FRMPD4: variants seen among roughly 807,000 people sequenced by gnomAD.
FRMPD4 encodes the protein FERM and PDZ domain containing 4.
In FRMPD4, 22 loss-of-function variants were observed where a neutral mutation model predicts 94.1. That is an observed-to-expected ratio of 0.23 (90% CI 0.17 to 0.33). The LOEUF (loss-of-function observed/expected upper bound fraction) is 0.33. Among genes scored for constraint, FRMPD4 ranks in the 10% least tolerant of loss-of-function variants. The pLI is 1.00. For synonymous variants in FRMPD4, 631 were observed against 548.6 expected, an observed-to-expected ratio of 1.15 and a Z score of -2.10; for missense variants, 1,111 against 1,339.9, an observed-to-expected ratio of 0.83 and a Z score of 2.67.
chrX:12,311,731 A>T (rs982064849), intron 1 of FRMPD4, among the ~76,000 whole-genome samples: 29 of 111,580 alleles, frequency 2.6e-4, no homozygotes, highest in African/African-American at 9.4e-4. Flanking sequence ...GTATAATTCC[A>T]CTGTCTTGTA....
At chrX:12,349,252 T>G (rs1029712077) in intron 1 of FRMPD4, among the ~76,000 whole-genome samples, 7 of 111,140 alleles carry the variant, frequency 6.3e-5, no homozygotes, top group Non-Finnish European at 1.3e-4. Context: ...AAATAATTTT[T>G]AAAACACGGA....
At chrX:12,093,005 A>G (rs1158426508) in intron 3 of FRMPD4, among the ~76,000 whole-genome samples, 1 of 111,171 alleles carries the variant, frequency 9.0e-6, no homozygotes, top group Non-Finnish European at 1.9e-5. Flanking sequence ...ATCTAGGGGG[A>G]AAAGTTCTAG....
chrX:11,987,098 TAAAAAAAAAAA>T (rs35377550), intron 3 of FRMPD4, among the ~76,000 whole-genome samples: 71 of 21,847 alleles, frequency 3.2e-3, no homozygotes, highest in South Asian at 0.017. Flanking sequence ...AAAGACACAT[TAAAAAAAAAAA>T]AAAAAAAAAA....
intron 3 of FRMPD4, among the ~76,000 whole-genome samples, chrX:11,921,268 T>C (rs903244874): frequency 8.9e-6 from 1 of 112,122 alleles, no homozygotes; most frequent in African/African-American, 3.2e-5. Context: ...CCTCTTTCCT[T>C]GACTTTCAGG....
chrX:12,546,746 T>C (rs915251323), intron 2 of FRMPD4, among the ~76,000 whole-genome samples: 2 of 110,947 alleles, frequency 1.8e-5, no homozygotes, highest in African/African-American at 3.3e-5. Flanking sequence ...TCCATTCATC[T>C]CAATCTTGCT....
At chrX:12,581,028 G>A in intron 2 of FRMPD4, among the ~76,000 whole-genome samples, 1 of 112,390 alleles carries the variant, frequency 8.9e-6, no homozygotes, top group African/African-American at 3.2e-5. Flanking sequence ...AAATAAACGT[G>A]GACTACTGTA....
chrX:12,187,351 A>G lies in FRMPD4; in HGVS notation c.41+48339A>G, dbSNP rs189115720. Among the ~76,000 whole-genome samples the G allele has an allele frequency of 4.5e-5, 5 of 111,703 alleles. No individual in the cohort carries two copies. In the East Asian group the frequency reaches 8.4e-4, roughly 19 times the overall value. On this transcript the variant is annotated intron_variant, in intron 1 of 16. Coordinates refer to ENST00000675598, the MANE Select transcript of FRMPD4 (RefSeq NM_001368397.1). ...TTATATTTTAGTTGCTTCCAAGACT[A>G]TCTTTTCTACATGAGTGTGAGTTTT...
intron 3 of FRMPD4, among the ~76,000 whole-genome samples, chrX:12,075,917 C>A (rs189713041): frequency 1.3e-4 from 15 of 112,106 alleles, no homozygotes; most frequent in Admixed American, 2.8e-4. Context: ...GTTTTAACCC[C>A]CACTTCTGGC....
chrX:12,716,051 G>A lies in FRMPD4; in HGVS notation c.1610-18G>A, dbSNP rs377417268. 1.2e-4 allele frequency: 100 copies of A among 852,318 alleles called. No individual in the cohort carries two copies. Among genetic ancestry groups the A allele is most frequent in the African/African-American group, 7.9e-4 (34 of 42,938 alleles). 70.2% of individuals were successfully genotyped at this position (852,318 alleles called of 1,213,427 possible). ...AGACAGTACAGTAATGTGTCTTTGC[G>A]TGATTCTTTCTCTTTAGGACCTGAA... On this transcript the variant is annotated intron_variant, in intron 14 of 16. Coordinates refer to ENST00000675598, the MANE Select transcript of FRMPD4 (RefSeq NM_001368397.1).
At chrX:12,462,824 AC>A (rs1489752658) in intron 1 of FRMPD4, among the ~76,000 whole-genome samples, 15 of 111,539 alleles carry the variant, frequency 1.3e-4, no homozygotes, top group Non-Finnish European at 2.8e-4. Flanking sequence ...CCCCGTCTGT[AC>A]AAAAAATTTT....
chrX:12,350,180 C>G (rs1209786954), intron 1 of FRMPD4, among the ~76,000 whole-genome samples: 1 of 111,463 alleles, frequency 9.0e-6, no homozygotes, highest in Non-Finnish European at 1.9e-5. Flanking sequence ...GAAAACAGAT[C>G]ATATAGCTGT....
intron 3 of FRMPD4, among the ~76,000 whole-genome samples, chrX:12,071,984 T>G (rs1414887919): frequency 9.0e-6 from 1 of 111,498 alleles, no homozygotes; most frequent in African/African-American, 3.3e-5. Flanking sequence ...GTATCTATTT[T>G]TATTGTATTT....
intron 3 of FRMPD4, among the ~76,000 whole-genome samples, chrX:12,125,235 G>T (rs946553929): frequency 1.2e-4 from 13 of 111,998 alleles, no homozygotes; most frequent in Non-Finnish European, 2.4e-4. Context: ...GCTAGTGTAG[G>T]TTGTGTTAAT....
At chrX:12,529,150 G>T in intron 2 of FRMPD4, among the ~76,000 whole-genome samples, 1 of 112,120 alleles carries the variant, frequency 8.9e-6, no homozygotes, top group Admixed American at 9.4e-5. Context: ...GTTAGATTGG[G>T]GAAGGATCTG....
At chrX:12,156,401 C>G (rs751420132) in intron 1 of FRMPD4, among the ~76,000 whole-genome samples, 11 of 111,492 alleles carry the variant, frequency 9.9e-5, no homozygotes, top group Non-Finnish European at 2.1e-4. Context: ...GTTAGGCAAC[C>G]AAGAGCGCTG....
At chrX:12,627,590 A>G (rs1371248611) in intron 4 of FRMPD4, among the ~76,000 whole-genome samples, 4 of 112,081 alleles carry the variant, frequency 3.6e-5, no homozygotes, top group African/African-American at 1.3e-4. Flanking sequence ...GGGATTTGGG[A>G]GCATAGTTCA....
chrX:11,974,532 T>C (rs2054357356), intron 3 of FRMPD4, among the ~76,000 whole-genome samples: 1 of 111,981 alleles, frequency 8.9e-6, no homozygotes, highest in Non-Finnish European at 1.9e-5. Flanking sequence ...TATTCCTTTA[T>C]GGTAACACTA....
chrX:12,089,947 G>C (rs1412866433), intron 3 of FRMPD4, among the ~76,000 whole-genome samples: 1 of 111,805 alleles, frequency 8.9e-6, no homozygotes, highest in Non-Finnish European at 1.9e-5. Flanking sequence ...GTGAGTGTGG[G>C]ATGAAGTGCC....
intron 3 of FRMPD4, among the ~76,000 whole-genome samples, chrX:11,949,965 C>T (rs1398398751): frequency 8.9e-6 from 1 of 112,056 alleles, no homozygotes; most frequent in Non-Finnish European, 1.9e-5. Context: ...GAAATAATTA[C>T]TAATGGTCAA....
Sources: allele counts gnomAD v4.1 joint callset (sites outside exome capture counted in the v4.1 genomes callset), GRCh38; gene constraint gnomAD v4.1.1; transcripts MANE v1.5; gene names NCBI Gene and HGNC (gene_info 2026-07-23, HGNC 2026-07-21).